THSD7B: variants seen among roughly 807,000 people sequenced by gnomAD.
THSD7B encodes the protein thrombospondin type 1 domain containing 7B, also known as thrombospondin type-1 domain-containing protein 7B.
In THSD7B, 138 loss-of-function variants were observed where a neutral mutation model predicts 213.6. That is an observed-to-expected ratio of 0.65 (90% CI 0.56 to 0.74). THSD7B has a LOEUF of 0.74. Among genes scored for constraint, THSD7B ranks in the 30% least tolerant of loss-of-function variants. THSD7B has a pLI of 0.00. For missense variants in THSD7B, 1,931 were observed against 1,991.5 expected, an observed-to-expected ratio of 0.97 and a Z score of 0.58; for synonymous variants, 742 against 687.0, an observed-to-expected ratio of 1.08 and a Z score of -1.25.
intron 1 of THSD7B, among the ~76,000 whole-genome samples, chr2:136,782,542 A>T (rs1381643779): frequency 3.3e-5 from 5 of 152,204 alleles, no homozygotes; most frequent in African/African-American, 9.6e-5. Flanking sequence ...TGCCAGATGA[A>T]ATTGCTGCGT....
At chr2:136,790,603 T>A (rs1397090562) in intron 1 of THSD7B, among the ~76,000 whole-genome samples, 2 of 152,110 alleles carry the variant, frequency 1.3e-5, no homozygotes. Flanking sequence ...ATTTTCTCCA[T>A]AAAAAGATGA....
chr2:137,249,323 TA>T (rs906265441), intron 10 of THSD7B, among the ~76,000 whole-genome samples: 23 of 149,782 alleles, frequency 1.5e-4, no homozygotes, highest in South Asian at 6.3e-4. Flanking sequence ...AGATTTGGTT[TA>T]AAAAAAAAAT....
At chr2:137,429,561 G>A (rs1687130505) in intron 14 of THSD7B, among the ~76,000 whole-genome samples, 2 of 152,144 alleles carry the variant, frequency 1.3e-5, no homozygotes, top group African/African-American at 2.4e-5. Context: ...GAATAGACGT[G>A]TAAATTAATT....
intron 12 of THSD7B, among the ~76,000 whole-genome samples, chr2:137,402,370 A>T (rs1686389560): frequency 2.0e-5 from 3 of 152,128 alleles, no homozygotes; most frequent in Non-Finnish European, 2.9e-5. Context: ...TTCGATATAG[A>T]TCTCTGGAAA....
chr2:137,259,341 G>A (rs185628698), intron 10 of THSD7B, among the ~76,000 whole-genome samples: 1 of 152,294 alleles, frequency 6.6e-6, no homozygotes, highest in Non-Finnish European at 1.5e-5. Flanking sequence ...AGCCTAGCCA[G>A]CATCTATTGT....
At chr2:137,149,652 G>A (rs2217574) in intron 5 of THSD7B, among the ~76,000 whole-genome samples, 33,037 of 152,122 alleles carry the variant, frequency 0.22, 3,906 homozygotes, top group South Asian at 0.42. Flanking sequence ...ACATGGAGTC[G>A]AAGGAGATCA....
intron 4 of THSD7B, among the ~76,000 whole-genome samples, chr2:137,103,924 C>A (rs1573824947): frequency 1.3e-5 from 2 of 152,124 alleles, no homozygotes; most frequent in East Asian, 3.9e-4. Context: ...TAGACTCCCA[C>A]ACAATAATAG....
At chr2:137,635,182 A>G (rs1682810823) in intron 20 of THSD7B, among the ~76,000 whole-genome samples, 1 of 152,178 alleles carries the variant, frequency 6.6e-6, no homozygotes, top group Non-Finnish European at 1.5e-5. Context: ...AACATATTTT[A>G]TAGGGAGTGT....
intron 7 of THSD7B, among the ~76,000 whole-genome samples, chr2:137,177,236 G>T (rs1231348186): frequency 6.6e-6 from 1 of 152,028 alleles, no homozygotes; most frequent in African/African-American, 2.4e-5. Flanking sequence ...TTATTTTCCA[G>T]TTAGGCCATC....
intron 15 of THSD7B, among the ~76,000 whole-genome samples, chr2:137,535,164 G>A (rs865897366): frequency 5.9e-5 from 9 of 151,480 alleles, no homozygotes; most frequent in African/African-American, 1.7e-4. Context: ...TTAATGTTTT[G>A]GATTCACATT....
intron 2 of THSD7B, among the ~76,000 whole-genome samples, chr2:136,969,934 A>G (rs2104798705): frequency 6.6e-6 from 1 of 152,358 alleles, no homozygotes; most frequent in African/African-American, 2.4e-5. Context: ...ACTAGCAAAA[A>G]CATAAACAAA....
chr2:137,141,313 C>A (rs1275735451), intron 5 of THSD7B, among the ~76,000 whole-genome samples: 1 of 152,110 alleles, frequency 6.6e-6, no homozygotes, highest in African/African-American at 2.4e-5. Context: ...AAGGATACAT[C>A]TTCTGTAGAG....
At chr2:136,912,451 C>T (rs1248832092) in intron 2 of THSD7B, among the ~76,000 whole-genome samples, 3 of 151,066 alleles carry the variant, frequency 2.0e-5, no homozygotes, top group Non-Finnish European at 1.5e-5. Flanking sequence ...GGTATGTGTG[C>T]TTTCCTGCTG....
At chr2:137,495,750 C>G (rs1679547137) in intron 15 of THSD7B, among the ~76,000 whole-genome samples, 1 of 152,080 alleles carries the variant, frequency 6.6e-6, no homozygotes, top group Admixed American at 6.6e-5. Context: ...GGACTGTTCC[C>G]ATGATTATTT....
chr2:136,794,969 A>T (rs913472626), intron 1 of THSD7B, among the ~76,000 whole-genome samples: 1 of 151,962 alleles, frequency 6.6e-6, no homozygotes, highest in African/African-American at 2.4e-5. Flanking sequence ...GCATTACTAT[A>T]GCCATACCTG....
At chr2:137,556,709 T>G (rs1680977749) in intron 15 of THSD7B, among the ~76,000 whole-genome samples, 1 of 152,192 alleles carries the variant, frequency 6.6e-6, no homozygotes, top group African/African-American at 2.4e-5. Context: ...ACCTTAAATG[T>G]AAATGGGCTA....
intron 10 of THSD7B, among the ~76,000 whole-genome samples, chr2:137,245,486 C>T (rs1161477061): frequency 1.3e-5 from 2 of 152,168 alleles, no homozygotes; most frequent in Admixed American, 6.5e-5. Context: ...TGTGTATCTA[C>T]AGAGACCTGC....
intron 1 of THSD7B, among the ~76,000 whole-genome samples, chr2:136,839,883 A>G (rs1682897791): frequency 6.6e-6 from 1 of 152,154 alleles, no homozygotes; most frequent in Non-Finnish European, 1.5e-5. Context: ...TCAAAATGGT[A>G]TCTTTTACAC....
intron 12 of THSD7B, among the ~76,000 whole-genome samples, chr2:137,297,221 C>T (rs1170348547): frequency 2.7e-5 from 4 of 148,482 alleles, no homozygotes; most frequent in Admixed American, 2.0e-4. Context: ...GAGTTCGAGG[C>T]TTCACTGAGA....
Sources: gnomAD v4.1 joint callset for allele counts (sites outside exome capture counted in the v4.1 genomes callset) on GRCh38, gnomAD v4.1.1 for gene constraint, MANE v1.5 for transcripts, NCBI Gene and HGNC (gene_info 2026-07-23, HGNC 2026-07-21) for gene names.